The following MAX variants were observed in gnomAD, a reference collection of about 807,000 sequenced individuals.
The protein encoded by MAX is protein max.
In MAX, 3 loss-of-function variants were observed where a neutral mutation model predicts 22.3. The observed-to-expected ratio is 0.13, with a 90% CI of 0.06 to 0.35. The LOEUF is 0.35. Among genes scored for constraint, MAX ranks in the 10% least tolerant of loss-of-function variants. The probability of loss-of-function intolerance (pLI) is 1.00; values close to 1 mark genes in which losing one functional copy is unlikely to be tolerated. For synonymous variants in MAX, 72 were observed against 77.7 expected, an observed-to-expected ratio of 0.93 and a Z score of 0.39; for missense variants, 119 against 209.4, an observed-to-expected ratio of 0.57 and a Z score of 2.66.
At chr14:65,083,839 A>G (rs2063256065) in intron 3 of MAX, 1 of 1,178,992 alleles carries the variant, frequency 8.5e-7, no homozygotes, top group African/African-American at 1.5e-5. Flanking sequence ...ACACATATGA[A>G]GGTAAAGGGA....
intron 3 of MAX, among the ~76,000 whole-genome samples, chr14:65,037,082 CTT>C (rs2062209319): frequency 6.6e-6 from 1 of 150,826 alleles, no homozygotes; most frequent in South Asian, 2.1e-4. Context: ...AATTTCTTCT[CTT>C]GTGTTTTCTG....
At chr14:65,013,680 C>G (rs1243584858) in intron 3 of MAX, among the ~76,000 whole-genome samples, 1 of 152,056 alleles carries the variant, frequency 6.6e-6, no homozygotes, top group African/African-American at 2.4e-5. Flanking sequence ...TCTGAGTGGC[C>G]AGGATTACAG....
In MAX at chr14:65,076,039, T is replaced by A; in HGVS notation, c.*437A>T. On this transcript the variant is annotated 3_prime_UTR_variant, in exon 5 of 5. Coordinates refer to ENST00000358664, the MANE Select transcript of MAX (RefSeq NM_002382.5). The surrounding 1 kb of genome is among the most constrained non-coding windows in gnomAD (Gnocchi z 6.6). ...CGGTCATCTTCTCAAAGTAGAGCAG[T>A]TCAGATTCACAAAGTCTATCAGAGG... 8.6e-7 allele frequency: 1 copy of A among 1,160,160 alleles called. No individual in the cohort carries two copies. The highest frequency in any genetic ancestry group is 1.1e-6 in the Non-Finnish European group (1 of 938,804). The allele number at this position is 1,160,160 out of a possible 1,614,324, so 71.9% of individuals were successfully genotyped here.
At chr14:65,034,991 G>C (rs2062157221) in intron 3 of MAX, among the ~76,000 whole-genome samples, 1 of 152,254 alleles carries the variant, frequency 6.6e-6, no homozygotes, top group South Asian at 2.1e-4. Flanking sequence ...CACTCATGCA[G>C]CAGCTCAGAG....
intron 3 of MAX, among the ~76,000 whole-genome samples, chr14:65,046,963 A>C (rs949885874): frequency 6.6e-6 from 1 of 152,232 alleles, no homozygotes; most frequent in Non-Finnish European, 1.5e-5. Context: ...CAAAACAAGC[A>C]AAAAGGTGCG....
chr14:65,015,688 G>T, intron 3 of MAX: 1 of 1,614,132 alleles, frequency 6.2e-7, no homozygotes, highest in East Asian at 2.2e-5. Context: ...ACTGCTAGAT[G>T]AACCCATCCC....
chr14:65,058,340 G>A (rs2062789006), intron 3 of MAX, among the ~76,000 whole-genome samples: 1 of 141,240 alleles, frequency 7.1e-6, no homozygotes, highest in African/African-American at 2.7e-5. Flanking sequence ...TTTCAGTTTT[G>A]TAACTGTTTG....
intron 3 of MAX, among the ~76,000 whole-genome samples, chr14:65,053,625 T>TAAAAAAAAACAAAAAAA (rs201558638): frequency 6.8e-6 from 1 of 146,246 alleles, no homozygotes; most frequent in African/African-American, 2.7e-5. Context: ...CTTCTTTTTT[T>TAAAAAAAAACAAAAAAA]TAAAAAAAAC....
In MAX at chr14:65,078,457, G is replaced by T. The variant is rs2063118940; in HGVS notation, c.172-421C>A. Among the ~76,000 whole-genome samples the T allele has an allele frequency of 6.6e-6, 1 of 151,900 alleles. No homozygotes were observed. The highest frequency in any genetic ancestry group is 2.4e-5 in the African/African-American group (1 of 41,346). On this transcript the variant is annotated intron_variant, in intron 3 of 4. Coordinates refer to ENST00000358664, the MANE Select transcript of MAX (RefSeq NM_002382.5). The surrounding 1 kb of genome is among the most constrained non-coding windows in gnomAD (Gnocchi z 6.4). Reference sequence around the variant, plus strand: ...GGCCTCAGGTGATCTGCCCACCTTGGCCTCCCAAAATGCTGGGATTATAGG... The same window carrying T: ...GGCCTCAGGTGATCTGCCCACCTTGTCCTCCCAAAATGCTGGGATTATAGG...
intron 3 of MAX, among the ~76,000 whole-genome samples, chr14:65,045,563 G>C (rs189489913): frequency 6.6e-6 from 1 of 151,850 alleles, no homozygotes; most frequent in Non-Finnish European, 1.5e-5. Flanking sequence ...CTACAGGCGC[G>C]TGCCACCACA....
At chr14:65,039,919 T>A (rs1174256468) in intron 3 of MAX, among the ~76,000 whole-genome samples, 1 of 152,204 alleles carries the variant, frequency 6.6e-6, no homozygotes, top group Non-Finnish European at 1.5e-5. Flanking sequence ...CCAAGTGCGG[T>A]GGCCCATGCC....
intron 3 of MAX, among the ~76,000 whole-genome samples, chr14:65,066,476 C>T (rs893099173): frequency 1.3e-5 from 2 of 152,216 alleles, no homozygotes; most frequent in Non-Finnish European, 2.9e-5. Context: ...AGGGACAGGG[C>T]GCTCATCATT....
At chr14:65,066,647 G>A (rs1430255538) in intron 3 of MAX, among the ~76,000 whole-genome samples, 2 of 151,992 alleles carry the variant, frequency 1.3e-5, no homozygotes, top group Non-Finnish European at 2.9e-5. Context: ...CTAAGGTTGG[G>A]AGTTCATGAC....
chr14:65,061,094 T>C (rs1307304970), intron 3 of MAX: 29 of 1,556,426 alleles, frequency 1.9e-5, no homozygotes, highest in Non-Finnish European at 2.4e-5. Context: ...ACTAAATTCT[T>C]AGAAGTGCCT....
intron 3 of MAX, among the ~76,000 whole-genome samples, chr14:65,057,162 C>T (rs1157443863): frequency 6.6e-6 from 1 of 152,224 alleles, no homozygotes; most frequent in Non-Finnish European, 1.5e-5. Flanking sequence ...ACAAACCCCA[C>T]CTCTCAACAT....
chr14:65,061,122 G>GAAACA, intron 3 of MAX: 1 of 1,598,616 alleles, frequency 6.3e-7, no homozygotes, highest in Non-Finnish European at 8.5e-7. Flanking sequence ...AGCAAAGGAT[G>GAAACA]TGTTATGTTT....
intron 3 of MAX, among the ~76,000 whole-genome samples, chr14:65,057,666 C>T (rs149440695): frequency 6.6e-6 from 1 of 152,306 alleles, no homozygotes; most frequent in Non-Finnish European, 1.5e-5. Context: ...AGTGTAACTT[C>T]TTCTAAATAG....
chr14:65,023,836 C>A lies in MAX; in HGVS notation c.172-17552G>T, dbSNP rs1382261131. 6.6e-6 allele frequency among the ~76,000 whole-genome samples: 1 copy of A among 152,176 alleles called. No individual in the cohort carries two copies. The highest frequency in any genetic ancestry group is 2.4e-5 in the African/African-American group (1 of 41,438). On this transcript the variant is annotated intron_variant, in intron 3 of 3. Coordinates refer to the MAX transcript ENST00000341653. This position sits in a 1 kb window ranked among gnomAD's most constrained non-coding sequence, Gnocchi z 4.1. The stretch of plus-strand genomic sequence containing the variant: ...GGACTCTCAGCCGGGCATGGTGGCT[C>A]ACGCCTGTAATCCTAGCACTTTGGG...
At position 65,031,887 on chromosome 14, in the gene MAX, C is replaced by T. The variant is rs2062092126; in HGVS notation, c.172-25603G>A. ...AGTGAGCTGAGATCATACCACTGCACTCTAGCCTGGGCGACAGAGTGAGAC... is the reference window on the plus strand; with the variant it reads ...AGTGAGCTGAGATCATACCACTGCATTCTAGCCTGGGCGACAGAGTGAGAC... On this transcript the variant is annotated intron_variant, in intron 3 of 3. Transcript: ENST00000341653. This position sits in a 1 kb window ranked among gnomAD's most constrained non-coding sequence, Gnocchi z 4.6. 6.6e-6 allele frequency among the ~76,000 whole-genome samples: 1 copy of T among 152,102 alleles called. No homozygotes were observed. The highest frequency in any genetic ancestry group is 2.1e-4 in the South Asian group (1 of 4,820).
Sources: gnomAD v4.1 joint callset for allele counts (sites outside exome capture counted in the v4.1 genomes callset) on GRCh38, gnomAD v4.1.1 for gene constraint, Gnocchi (gnomAD v3.1) non-coding constraint, MANE v1.5 for transcripts, NCBI Gene and HGNC (gene_info 2026-07-23, HGNC 2026-07-21) for gene names.